The following NEURL1B variants were observed in gnomAD, a reference collection of about 807,000 sequenced individuals.
NEURL1B encodes E3 ubiquitin-protein ligase NEURL1B.
NEURL1B carries 13 observed loss-of-function variants against 37.4 expected under a neutral mutation model. The ratio of observed to expected loss-of-function variants is 0.35; its 90% confidence interval spans 0.23 to 0.55. NEURL1B has a LOEUF of 0.55. Among genes scored for constraint, NEURL1B ranks in the 20% least tolerant of loss-of-function variants. The pLI, the probability that NEURL1B is intolerant of heterozygous loss-of-function variation, is 0.89. For synonymous variants in NEURL1B, 432 were observed against 426.6 expected (o/e 1.01, Z -0.16); for missense variants, 790 against 879.2 (o/e 0.90, Z 1.28).
rs375603298 is a variant in NEURL1B, at chr5:172,686,712, G to A, written c.1455G>A (p.Pro485=). 180 of 1,550,872 alleles carry A rather than the reference G, an allele frequency of 1.2e-4. 1 individual carries two copies. The highest frequency in any genetic ancestry group is 4.6e-4 in the East Asian group (19 of 40,888). ...VTAPSSPLSP[P]VSPVFSPPEP... Reference sequence around the variant, plus strand: ...CCCCCAGCTCCCCGCTGAGCCCCCCGGTGTCCCCCGTGTTCTCCCCACCGG... The same window carrying A: ...CCCCCAGCTCCCCGCTGAGCCCCCCAGTGTCCCCCGTGTTCTCCCCACCGG... Residue 485 remains proline (P), a synonymous_variant, in exon 5 of 5, where the codon CCG becomes CCA. Coordinates refer to ENST00000369800, the MANE Select transcript of NEURL1B (RefSeq NM_001142651.3). This position sits in a 1 kb window ranked among gnomAD's most constrained non-coding sequence, Gnocchi z 7.9.
intron 1 of NEURL1B, among the ~76,000 whole-genome samples, chr5:172,644,949 TG>T (rs1757533303): frequency 6.6e-6 from 1 of 152,178 alleles, no homozygotes; most frequent in Non-Finnish European, 1.5e-5. Context: ...TCTCGCCTCT[TG>T]GGCTCACCTG....
At position 172,689,569 on chromosome 5, in the gene NEURL1B, TG is replaced by T. The variant is rs1758589917; in HGVS notation, c.*2646del. ...TGTGCTACTTACAATCTATGAAAGC[TG>T]GTGTTATCCCACTTGGCAGGTAAGG... On this transcript the variant is annotated 3_prime_UTR_variant, in exon 5 of 5. Coordinates refer to ENST00000369800, the MANE Select transcript of NEURL1B (RefSeq NM_001142651.3). 1 of 152,202 alleles carries T rather than the reference TG, an allele frequency of 6.6e-6. No individual in the cohort carries two copies. Among genetic ancestry groups the T allele is most frequent in the Non-Finnish European group, 1.5e-5 (1 of 68,034 alleles). The allele number at this position is 152,202 out of a possible 1,614,324, so 9.4% of individuals were successfully genotyped here.
chr5:172,650,751 G>A (rs1209580365), intron 1 of NEURL1B, among the ~76,000 whole-genome samples: 7 of 152,260 alleles, frequency 4.6e-5, no homozygotes, highest in Non-Finnish European at 5.9e-5. Flanking sequence ...GGACAAGGGA[G>A]GGGAAGGGGT....
At chr5:172,666,062 C>G (rs1194696748) in intron 1 of NEURL1B, among the ~76,000 whole-genome samples, 1 of 152,208 alleles carries the variant, frequency 6.6e-6, no homozygotes, top group Non-Finnish European at 1.5e-5. Flanking sequence ...AGGAGGTCAA[C>G]AGGCAGCCTC....
chr5:172,644,684 T>G (rs1757529080), intron 1 of NEURL1B, among the ~76,000 whole-genome samples: 1 of 152,178 alleles, frequency 6.6e-6, no homozygotes, highest in African/African-American at 2.4e-5. Context: ...TCTCCACCAT[T>G]TTAAAGAGAT....
At chr5:172,672,145 A>G (rs536202062) in intron 2 of NEURL1B, among the ~76,000 whole-genome samples, 1 of 152,356 alleles carries the variant, frequency 6.6e-6, no homozygotes, top group South Asian at 2.1e-4. Context: ...AGCTCTGCCT[A>G]TTTGCAAGTG....
chr5:172,683,522 C>T lies in NEURL1B; in HGVS notation c.681C>T (p.Asn227=), dbSNP rs970392993. The change falls in exon 3 of 5, where the codon AAC becomes AAT. Residue 227 remains asparagine, a synonymous_variant. Transcript: ENST00000369800. This position sits in a 1 kb window ranked among gnomAD's most constrained non-coding sequence, Gnocchi z 5.6. ...SSHDAANFDN[N]ELENNQVVAK... ...ACGACGCGGCCAACTTCGACAACAA[C>T]GAGCTCGAGAACAACCAGGTGGTGG... 2 of 1,500,620 alleles carry T rather than the reference C, an allele frequency of 1.3e-6. No individual in the cohort carries two copies. The highest frequency in any genetic ancestry group is 1.8e-6 in the Non-Finnish European group (2 of 1,129,758). The allele number at this position is 1,500,620 out of a possible 1,614,324, so 93.0% of individuals were successfully genotyped here. A position where few individuals can be genotyped will look rare whatever the true frequency, so the allele number is the denominator to read the frequency against.
At chr5:172,646,635 G>C (rs1218303674) in intron 1 of NEURL1B, among the ~76,000 whole-genome samples, 1 of 152,198 alleles carries the variant, frequency 6.6e-6, no homozygotes, top group Non-Finnish European at 1.5e-5. Flanking sequence ...CTGGGTTTAA[G>C]GACTCAAGTT....
In NEURL1B at chr5:172,641,924, G is replaced by A. The variant is rs1457675901; in HGVS notation, c.31+487G>A. Among the ~76,000 whole-genome samples, 2 of 152,164 alleles carry A rather than the reference G, an allele frequency of 1.3e-5. No homozygotes were observed. Among genetic ancestry groups the A allele is most frequent in the Non-Finnish European group, 2.9e-5 (2 of 68,006 alleles). On this transcript the variant is annotated intron_variant, in intron 1 of 4. Coordinates refer to ENST00000369800, the MANE Select transcript of NEURL1B (RefSeq NM_001142651.3). This position sits in a 1 kb window ranked among gnomAD's most constrained non-coding sequence, Gnocchi z 6.4. ...CAGCGCCCCCGCGGCACATGCTGCCGTGCTTTGGCCACGTTCCCACGCGCA... is the reference window on the plus strand; with the variant it reads ...CAGCGCCCCCGCGGCACATGCTGCCATGCTTTGGCCACGTTCCCACGCGCA...
Position 172,688,230 on chromosome 5 carries a change from C to G in NEURL1B, c.*1305C>G, listed in dbSNP as rs1185233200. 6.5e-6 allele frequency: 1 copy of G among 153,066 alleles called. No individual in the cohort carries two copies. The highest frequency in any genetic ancestry group is 1.5e-5 in the Non-Finnish European group (1 of 68,352). The allele number at this position is 153,066 out of a possible 1,614,324, so 9.5% of individuals were successfully genotyped here. On this transcript the variant is annotated 3_prime_UTR_variant, in exon 5 of 5. Coordinates refer to ENST00000369800, the MANE Select transcript of NEURL1B (RefSeq NM_001142651.3). This position sits in a 1 kb window ranked among gnomAD's most constrained non-coding sequence, Gnocchi z 4.3. ...TTGCCCCCAGTTCTGGGCTCCACCT[C>G]TGCCCTCTTCTGTGCTGTCCCATTA...
Position 172,675,404 on chromosome 5 carries a change from C to T in NEURL1B, c.577+5074C>T, listed in dbSNP as rs533157770. ...CACACACAGACAGTACTGTAGGGTG[C>T]ATTGTCTCAGGGCTGCTCTATGCTT... is the stretch of plus-strand genomic sequence containing the variant. On this transcript the variant is annotated intron_variant, in intron 2 of 4. Coordinates refer to ENST00000369800, the MANE Select transcript of NEURL1B (RefSeq NM_001142651.3). This position sits in a 1 kb window ranked among gnomAD's most constrained non-coding sequence, Gnocchi z 4.7. Among the ~76,000 whole-genome samples the T allele has an allele frequency of 6.6e-6, 1 of 152,156 alleles. No homozygotes were observed. Among genetic ancestry groups the T allele is most frequent in the African/African-American group, 2.4e-5 (1 of 41,508 alleles).
Position 172,686,838 on chromosome 5 carries a change from C to T in NEURL1B, c.1581C>T (p.Cys527=), listed in dbSNP as rs376597650. The T allele has an allele frequency of 4.2e-5, 65 of 1,551,200 alleles. No individual in the cohort carries two copies. Among genetic ancestry groups the T allele is most frequent in the African/African-American group, 2.5e-4 (18 of 73,182 alleles). Residue 527 remains cysteine, a synonymous_variant, in exon 5 of 5, where the codon TGC becomes TGT. Transcript: ENST00000369800. This position sits in a 1 kb window ranked among gnomAD's most constrained non-coding sequence, Gnocchi z 7.9. ...GACACATGTGCCTGTGCCACAGCTG[C>T]GGCCTGCGGCTCAAGCGACAGGCCC... The part of the protein sequence containing the change: ...TCGHMCLCHS[C]GLRLKRQARA...
At chr5:172,671,142 A>G (rs1272642132) in intron 2 of NEURL1B, among the ~76,000 whole-genome samples, 1 of 152,148 alleles carries the variant, frequency 6.6e-6, no homozygotes, top group East Asian at 1.9e-4. Context: ...CAGTTCTAAA[A>G]CATGTCATCA....
chr5:172,683,269 A>G lies in NEURL1B; in HGVS notation c.578-150A>G. On this transcript the variant is annotated intron_variant, in intron 2 of 4. Transcript: ENST00000369800. The surrounding 1 kb of genome is among the most constrained non-coding windows in gnomAD (Gnocchi z 5.6). Reference sequence around the variant, plus strand: ...ACTCACTAAATAACACAGATGGACAAAAGGAGAGTTCGAAGCCGGGGTGGG... The same window carrying G: ...ACTCACTAAATAACACAGATGGACAGAAGGAGAGTTCGAAGCCGGGGTGGG... 1 of 856,174 alleles carries G rather than the reference A, an allele frequency of 1.2e-6. No individual in the cohort carries two copies. The highest frequency in any genetic ancestry group is 1.6e-6 in the Non-Finnish European group (1 of 644,672). The allele number at this position is 856,174 out of a possible 1,614,324, so 53.0% of individuals were successfully genotyped here.
At chr5:172,642,135 G>A (rs1757475142) in intron 1 of NEURL1B, among the ~76,000 whole-genome samples, 1 of 152,242 alleles carries the variant, frequency 6.6e-6, no homozygotes, top group South Asian at 2.1e-4. Context: ...TGGTAATTGT[G>A]GGAACAGATC....
chr5:172,662,963 A>T (rs1465978684), intron 1 of NEURL1B, among the ~76,000 whole-genome samples: 2 of 150,246 alleles, frequency 1.3e-5, no homozygotes, highest in Non-Finnish European at 3.0e-5. Flanking sequence ...ATGGTGGCTC[A>T]TGCCTGTAAT....
At chr5:172,663,520 CAAA>C (rs34033673) in intron 1 of NEURL1B, among the ~76,000 whole-genome samples, 20 of 111,052 alleles carry the variant, frequency 1.8e-4, no homozygotes, top group Admixed American at 3.7e-4. Flanking sequence ...GACTCCATCT[CAAA>C]AAAAAAAAAA....
chr5:172,667,275 TAAAAAA>T lies in NEURL1B; in HGVS notation c.32-2494_32-2489del, dbSNP rs55663413. ...CAACATGGTGAAACCCTGTCTCTAC[TAAAAAA>T]AAAAAAAAAAAAAAATTAGCCAAGC... On this transcript the variant is annotated intron_variant, in intron 1 of 4. Coordinates refer to ENST00000369800, the MANE Select transcript of NEURL1B (RefSeq NM_001142651.3). Among the ~76,000 whole-genome samples, 111 of 72,292 alleles carry T rather than the reference TAAAAAA, an allele frequency of 1.5e-3. 3 individuals carry two copies. The highest frequency in any genetic ancestry group is 8.5e-3 in the African/African-American group (106 of 12,420). The allele number at this position is 72,292 out of a possible 152,430, so 47.4% of individuals were successfully genotyped here. A position where few individuals can be genotyped will look rare whatever the true frequency, so the allele number is the denominator to read the frequency against.
chr5:172,675,070 T>G lies in NEURL1B; in HGVS notation c.577+4740T>G, dbSNP rs1758206642. ...TTTTTAGTAAAGATGGGGTTTCTAC[T>G]GGGTACCTGTTGGTCAGGTTGGTCT... On this transcript the variant is annotated intron_variant, in intron 2 of 4. Coordinates refer to ENST00000369800, the MANE Select transcript of NEURL1B (RefSeq NM_001142651.3). The surrounding 1 kb of genome is among the most constrained non-coding windows in gnomAD (Gnocchi z 4.7). 6.6e-6 allele frequency among the ~76,000 whole-genome samples: 1 copy of G among 152,096 alleles called. No individual in the cohort carries two copies. Among genetic ancestry groups the G allele is most frequent in the Non-Finnish European group, 1.5e-5 (1 of 68,012 alleles).
Sources: gnomAD v4.1 joint callset for allele counts (sites outside exome capture counted in the v4.1 genomes callset) on GRCh38, gnomAD v4.1.1 for gene constraint, Gnocchi (gnomAD v3.1) non-coding constraint, MANE v1.5 for transcripts, NCBI Gene and HGNC (gene_info 2026-07-23, HGNC 2026-07-21) for gene names.